EML4: variants seen among roughly 807,000 people sequenced by gnomAD.
The protein encoded by EML4 is EMAP like 4.
A neutral mutation model predicts 129.0 loss-of-function variants in EML4; 72 were observed. The ratio of observed to expected loss-of-function variants is 0.56; its 90% CI spans 0.46 to 0.68. EML4 has a LOEUF of 0.68. Among genes scored for constraint, EML4 ranks in the 30% least tolerant of loss-of-function variants. The pLI, the probability that EML4 is intolerant of heterozygous loss-of-function variation, is 0.00. For synonymous variants in EML4, 532 were observed against 405.0 expected (o/e 1.31, Z -3.77); for missense variants, 1,363 against 1,190.6 (o/e 1.14, Z -2.13).
chr2:42,170,025 C>G (rs11900678), intron 1 of EML4: 123,684 of 179,742 alleles, frequency 0.69, 43,068 homozygotes, highest in Middle Eastern at 0.84. Context: ...AGGGTACAAC[C>G]TTCCACCACC....
chr2:42,175,373 A>G (rs1670541836), intron 1 of EML4, among the ~76,000 whole-genome samples: 1 of 150,124 alleles, frequency 6.7e-6, no homozygotes, highest in Non-Finnish European at 1.5e-5. Context: ...TCGGCCTTCC[A>G]AAGTGCTGGC....
intron 1 of EML4, among the ~76,000 whole-genome samples, chr2:42,191,861 T>C (rs983838010): frequency 3.3e-5 from 5 of 152,050 alleles, no homozygotes; most frequent in African/African-American, 1.2e-4. Flanking sequence ...ATAAGAAACC[T>C]GGCCGGGCAC....
At chr2:42,270,997 T>C (rs926225939) in intron 6 of EML4, among the ~76,000 whole-genome samples, 2 of 152,156 alleles carry the variant, frequency 1.3e-5, no homozygotes, top group Admixed American at 6.6e-5. Context: ...CCGGGCTCAG[T>C]TGATCCTCCC....
At chr2:42,191,244 A>C (rs1349174617) in intron 1 of EML4, among the ~76,000 whole-genome samples, 1 of 152,192 alleles carries the variant, frequency 6.6e-6, no homozygotes, top group Non-Finnish European at 1.5e-5. Context: ...TATTATGTAC[A>C]TAATTGAGGG....
At chr2:42,212,018 A>G (rs968262480) in intron 1 of EML4, among the ~76,000 whole-genome samples, 2 of 151,802 alleles carry the variant, frequency 1.3e-5, no homozygotes, top group Admixed American at 1.3e-4. Context: ...CTAATTATTT[A>G]TATTTTTAGT....
intron 1 of EML4, among the ~76,000 whole-genome samples, chr2:42,221,575 A>G (rs1370119444): frequency 6.6e-6 from 1 of 150,978 alleles, no homozygotes; most frequent in Non-Finnish European, 1.5e-5. Flanking sequence ...ATGCCTGACT[A>G]ATTTTTGTGG....
intron 1 of EML4, among the ~76,000 whole-genome samples, chr2:42,217,030 A>G (rs1272124930): frequency 6.6e-6 from 1 of 152,242 alleles, no homozygotes; most frequent in Admixed American, 6.5e-5. Flanking sequence ...CAACTGTAAT[A>G]AAACATTTTT....
chr2:42,232,969 G>T (rs1674441478), intron 1 of EML4, among the ~76,000 whole-genome samples: 1 of 152,140 alleles, frequency 6.6e-6, no homozygotes, highest in South Asian at 2.1e-4. Flanking sequence ...TGATCCCCCT[G>T]CCTCACCCGC....
chr2:42,189,882 G>C (rs1043705663), intron 1 of EML4, among the ~76,000 whole-genome samples: 1 of 151,860 alleles, frequency 6.6e-6, no homozygotes, highest in African/African-American at 2.4e-5. Flanking sequence ...TAATTATATA[G>C]CTATATGAAG....
chr2:42,302,367 C>T (rs1245132557), intron 14 of EML4, among the ~76,000 whole-genome samples: 1 of 151,864 alleles, frequency 6.6e-6, no homozygotes, highest in Admixed American at 6.6e-5. Flanking sequence ...ATATTTTGAT[C>T]CTTACAACAA....
intron 6 of EML4, among the ~76,000 whole-genome samples, chr2:42,278,934 T>TG (rs1222886289): frequency 1.1e-3 from 99 of 88,734 alleles, no homozygotes; most frequent in Non-Finnish European, 1.4e-3. Context: ...GAAACTCTCT[T>TG]GGAAAAAAAA....
intron 5 of EML4, among the ~76,000 whole-genome samples, chr2:42,263,844 C>G (rs113820816): frequency 3.3e-5 from 5 of 152,188 alleles, no homozygotes; most frequent in African/African-American, 1.2e-4. Flanking sequence ...ATTGTCCTGC[C>G]TTAGCCTCCC....
intron 10 of EML4, among the ~76,000 whole-genome samples, chr2:42,287,223 T>A (rs1667356097): frequency 6.6e-6 from 1 of 152,178 alleles, no homozygotes; most frequent in African/African-American, 2.4e-5. Flanking sequence ...TTAGTGAATT[T>A]AGGAACTTTG....
chr2:42,208,748 T>C (rs1672710889), intron 1 of EML4, among the ~76,000 whole-genome samples: 1 of 151,826 alleles, frequency 6.6e-6, no homozygotes, highest in Non-Finnish European at 1.5e-5. Flanking sequence ...GCCTACTCCT[T>C]TTATTTATTT....
At chr2:42,218,121 G>T (rs972459976) in intron 1 of EML4, among the ~76,000 whole-genome samples, 1 of 152,106 alleles carries the variant, frequency 6.6e-6, no homozygotes, top group Non-Finnish European at 1.5e-5. Flanking sequence ...ATTTGCAGCC[G>T]CTCCTCATCA....
At chr2:42,304,992 A>G (rs920095684) in intron 17 of EML4, among the ~76,000 whole-genome samples, 2 of 152,094 alleles carry the variant, frequency 1.3e-5, no homozygotes, top group Non-Finnish European at 2.9e-5. Context: ...AGTGGCACAC[A>G]CCTGTAATCC....
At chr2:42,193,513 C>G (rs1671720269) in intron 1 of EML4, among the ~76,000 whole-genome samples, 1 of 152,174 alleles carries the variant, frequency 6.6e-6, no homozygotes, top group Non-Finnish European at 1.5e-5. Flanking sequence ...AATTTTATTT[C>G]TTAGGGCCAA....
intron 1 of EML4, among the ~76,000 whole-genome samples, chr2:42,228,358 A>T (rs1432975008): frequency 1.3e-5 from 2 of 152,160 alleles, no homozygotes; most frequent in Non-Finnish European, 2.9e-5. Flanking sequence ...TAGTTTTAGG[A>T]ATGAAGTTGA....
At chr2:42,281,406 A>G (rs1231651212) in intron 7 of EML4, among the ~76,000 whole-genome samples, 1 of 152,002 alleles carries the variant, frequency 6.6e-6, no homozygotes, top group Non-Finnish European at 1.5e-5. Context: ...AGAAAAAAAA[A>G]AAAAAAGGAG....
Sources: gnomAD v4.1 joint callset for allele counts (sites outside exome capture counted in the v4.1 genomes callset) on GRCh38, gnomAD v4.1.1 for gene constraint, MANE v1.5 for transcripts, NCBI Gene and HGNC (gene_info 2026-07-23, HGNC 2026-07-21) for gene names.